CHRM2: variants seen among roughly 807,000 people sequenced by gnomAD.
The protein encoded by CHRM2 is cholinergic receptor muscarinic 2, also known as muscarinic acetylcholine receptor M2.
Under a neutral mutation model 25.0 loss-of-function variants are expected in CHRM2, and 8 were observed. The ratio of observed to expected loss-of-function variants is 0.32; its 90% confidence interval spans 0.19 to 0.58. CHRM2 has a LOEUF of 0.58. CHRM2 is among the 20% of genes least tolerant of loss of function. CHRM2 has a pLI of 0.88. For synonymous variants in CHRM2, 202 were observed against 205.7 expected, an observed-to-expected ratio of 0.98 and a Z score of 0.15; for missense variants, 440 against 567.1, an observed-to-expected ratio of 0.78 and a Z score of 2.28.
intron 2 of CHRM2, among the ~76,000 whole-genome samples, chr7:136,898,601 T>G (rs1312623760): frequency 6.6e-6 from 1 of 151,946 alleles, no homozygotes; most frequent in Non-Finnish European, 1.5e-5. Context: ...ACACTAATAG[T>G]TCTAGTGATG....
intron 3 of CHRM2, among the ~76,000 whole-genome samples, chr7:136,996,241 G>C (rs1004478460): frequency 7.2e-5 from 11 of 151,728 alleles, no homozygotes; most frequent in Admixed American, 6.6e-4. Context: ...TTAACTTCTT[G>C]GGATGGAGAA....
chr7:136,995,960 G>T lies in CHRM2; in HGVS notation c.-47+3696G>T, dbSNP rs552791057. ...ATTTACAATAAAAAATATTGCTACG[G>T]GTGTAAGAATAGACAGATAAAGCAA... On this transcript the variant is annotated intron_variant, in intron 3 of 3. Transcript: ENST00000680005. 5.3e-5 allele frequency among the ~76,000 whole-genome samples: 8 copies of T among 151,606 alleles called. No individual in the cohort carries two copies. The East Asian group carries it at 1.5e-3, about 29-fold the overall frequency.
intron 2 of CHRM2, among the ~76,000 whole-genome samples, chr7:136,883,534 A>T (rs934437749): frequency 6.6e-6 from 1 of 152,110 alleles, no homozygotes; most frequent in African/African-American, 2.4e-5. Flanking sequence ...GAGTCTGAAC[A>T]CCTTGACAAC....
intron 2 of CHRM2, among the ~76,000 whole-genome samples, chr7:136,978,065 G>A (rs899423100): frequency 2.0e-5 from 3 of 152,012 alleles, no homozygotes; most frequent in Non-Finnish European, 4.4e-5. Context: ...AACTACTAGA[G>A]AGGGGGTGGA....
intron 2 of CHRM2, among the ~76,000 whole-genome samples, chr7:136,963,768 GT>G (rs1217179498): frequency 4.6e-5 from 7 of 151,814 alleles, no homozygotes; most frequent in Admixed American, 4.6e-4. Flanking sequence ...AATCACTTAT[GT>G]GAAACCTGGG....
intron 2 of CHRM2, among the ~76,000 whole-genome samples, chr7:136,986,220 A>T (rs1311712511): frequency 6.6e-6 from 1 of 152,186 alleles, no homozygotes; most frequent in Admixed American, 6.5e-5. Flanking sequence ...TGACTGAGGA[A>T]GCACCAAAGC....
At chr7:136,920,681 A>T (rs1015598168) in intron 2 of CHRM2, among the ~76,000 whole-genome samples, 1 of 152,148 alleles carries the variant, frequency 6.6e-6, no homozygotes, top group Non-Finnish European at 1.5e-5. Flanking sequence ...AAGCAATTAT[A>T]GCCACCTTAA....
At chr7:136,926,216 A>G (rs747005670) in intron 2 of CHRM2, among the ~76,000 whole-genome samples, 89 of 152,226 alleles carry the variant, frequency 5.8e-4, no homozygotes, top group Non-Finnish European at 1.1e-3. Flanking sequence ...ACAGTAAGAC[A>G]GAGTAAGACC....
At chr7:136,874,468 A>G (rs1795966120) in intron 2 of CHRM2, among the ~76,000 whole-genome samples, 1 of 152,008 alleles carries the variant, frequency 6.6e-6, no homozygotes, top group Non-Finnish European at 1.5e-5. Flanking sequence ...AAGGGTACAC[A>G]CTAAAAACTC....
At chr7:137,005,859 G>GA (rs1428508020) in intron 3 of CHRM2, among the ~76,000 whole-genome samples, 1 of 151,820 alleles carries the variant, frequency 6.6e-6, no homozygotes, top group Non-Finnish European at 1.5e-5. Flanking sequence ...CCGACTTTAG[G>GA]AAAAAACAAA....
intron 2 of CHRM2, among the ~76,000 whole-genome samples, chr7:136,948,479 T>C (rs1800201133): frequency 6.6e-6 from 1 of 152,104 alleles, no homozygotes; most frequent in African/African-American, 2.4e-5. Flanking sequence ...GTCACAAAAA[T>C]CTTAGTTTAG....
chr7:136,975,952 T>C (rs1802077672), intron 2 of CHRM2, among the ~76,000 whole-genome samples: 1 of 152,186 alleles, frequency 6.6e-6, no homozygotes, highest in South Asian at 2.1e-4. Context: ...ATGTGAAATA[T>C]ACATCCATGT....
At chr7:136,877,762 T>G (rs1796104199) in intron 2 of CHRM2, among the ~76,000 whole-genome samples, 1 of 152,068 alleles carries the variant, frequency 6.6e-6, no homozygotes, top group South Asian at 2.1e-4. Context: ...TTGATGTTAT[T>G]GTTCACCCTT....
intron 2 of CHRM2, among the ~76,000 whole-genome samples, chr7:136,928,428 T>A (rs1298181619): frequency 6.6e-6 from 1 of 152,212 alleles, no homozygotes; most frequent in Non-Finnish European, 1.5e-5. Flanking sequence ...ATTTTCTGAA[T>A]GTTAAGAGTG....
intron 2 of CHRM2, among the ~76,000 whole-genome samples, chr7:136,974,549 A>G (rs1215819150): frequency 6.6e-6 from 1 of 152,128 alleles, no homozygotes; most frequent in Admixed American, 6.5e-5. Context: ...AAGAAACAGA[A>G]TACACAAAAA....
intron 2 of CHRM2, among the ~76,000 whole-genome samples, chr7:136,961,278 T>C (rs1801065853): frequency 6.6e-6 from 1 of 152,168 alleles, no homozygotes; most frequent in Non-Finnish European, 1.5e-5. Context: ...TTTTAGGTGA[T>C]TTTGCCACTG....
At chr7:136,942,949 C>T (rs1487974597) in intron 2 of CHRM2, among the ~76,000 whole-genome samples, 1 of 151,964 alleles carries the variant, frequency 6.6e-6, no homozygotes, top group African/African-American at 2.4e-5. Context: ...CTAGGAATTG[C>T]GTATGGACTC....
chr7:136,948,136 G>A (rs1800179880), intron 2 of CHRM2, among the ~76,000 whole-genome samples: 1 of 152,068 alleles, frequency 6.6e-6, no homozygotes, highest in Non-Finnish European at 1.5e-5. Context: ...CTATACAACA[G>A]CAAAGAGCCA....
intron 2 of CHRM2, 99 bp from the exon 3 acceptor site, chr7:136,992,088 T>G (rs759237546): frequency 4.6e-5 from 7 of 152,180 alleles, no homozygotes; most frequent in Non-Finnish European, 1.0e-4. Context: ...AATTCCAGTT[T>G]AGGATCTGTC....
Sources: gnomAD v4.1 joint callset for allele counts (sites outside exome capture counted in the v4.1 genomes callset) on GRCh38, gnomAD v4.1.1 for gene constraint, MANE v1.5 for transcripts, NCBI Gene and HGNC (gene_info 2026-07-23, HGNC 2026-07-21) for gene names.